Variants in GRIA4 observed in about 807,000 individuals in gnomAD.
GRIA4 encodes the protein glutamate ionotropic receptor AMPA type subunit 4, also known as glutamate receptor 4.
Under a neutral mutation model 104.0 loss-of-function variants are expected in GRIA4, and 34 were observed. The ratio of observed to expected loss-of-function variants is 0.33; its 90% CI spans 0.25 to 0.44. The LOEUF is 0.44. Among genes scored for constraint, GRIA4 ranks in the 20% least tolerant of loss-of-function variants. GRIA4 has a pLI of 1.00. For synonymous variants in GRIA4, 386 were observed against 381.9 expected, an observed-to-expected ratio of 1.01 and a Z score of -0.13; for missense variants, 750 against 1,096.5, an observed-to-expected ratio of 0.68 and a Z score of 4.46.
chr11:105,858,100 T>C (rs932533694), intron 4 of GRIA4, among the ~76,000 whole-genome samples: 29 of 152,302 alleles, frequency 1.9e-4, no homozygotes, highest in Non-Finnish European at 2.5e-4. Context: ...AAAAATATTT[T>C]ATATGTAATT....
At chr11:105,827,272 ATT>A (rs1400840861) in intron 4 of GRIA4, among the ~76,000 whole-genome samples, 1 of 152,064 alleles carries the variant, frequency 6.6e-6, no homozygotes, top group Non-Finnish European at 1.5e-5. Flanking sequence ...TCAAGAAAAT[ATT>A]GTCATAGTAA....
chr11:105,901,811 C>T (rs1946867984), intron 7 of GRIA4, among the ~76,000 whole-genome samples: 1 of 152,178 alleles, frequency 6.6e-6, no homozygotes, highest in Non-Finnish European at 1.5e-5. Context: ...CTCTTCTCAG[C>T]TTCTTTCTTC....
intron 3 of GRIA4, among the ~76,000 whole-genome samples, chr11:105,680,153 C>T (rs1952663546): frequency 6.6e-6 from 1 of 152,058 alleles, no homozygotes; most frequent in African/African-American, 2.4e-5. Context: ...ATTGCTATGT[C>T]ACCTGGTAGT....
chr11:105,642,007 C>T (rs1226777951), intron 3 of GRIA4, among the ~76,000 whole-genome samples: 2 of 152,098 alleles, frequency 1.3e-5, no homozygotes, highest in Non-Finnish European at 2.9e-5. Flanking sequence ...CCATTATCTC[C>T]CTGTGTCTTA....
chr11:105,683,499 T>C (rs1952775303), intron 3 of GRIA4, among the ~76,000 whole-genome samples: 1 of 152,118 alleles, frequency 6.6e-6, no homozygotes, highest in African/African-American at 2.4e-5. Context: ...AAAAACAATG[T>C]ATAACTCATT....
At chr11:105,935,302 A>G (rs2136214993) in intron 14 of GRIA4, among the ~76,000 whole-genome samples, 1 of 152,302 alleles carries the variant, frequency 6.6e-6, no homozygotes, top group East Asian at 1.9e-4. Flanking sequence ...TTGGTTATGG[A>G]CTGTGGCAAT....
intron 4 of GRIA4, among the ~76,000 whole-genome samples, chr11:105,791,176 C>T (rs997728318): frequency 6.6e-6 from 1 of 152,098 alleles, no homozygotes; most frequent in Non-Finnish European, 1.5e-5. Flanking sequence ...ACATGAGAGG[C>T]AGTTTGGTCT....
At chr11:105,854,282 C>A (rs1410871892) in intron 4 of GRIA4, among the ~76,000 whole-genome samples, 1 of 151,990 alleles carries the variant, frequency 6.6e-6, no homozygotes, top group Non-Finnish European at 1.5e-5. Flanking sequence ...ATAAAGTAAC[C>A]CAGAACGGCC....
intron 4 of GRIA4, among the ~76,000 whole-genome samples, chr11:105,756,877 A>G (rs1439981551): frequency 1.3e-5 from 2 of 152,150 alleles, no homozygotes; most frequent in African/African-American, 2.4e-5. Context: ...CCTGTTGTCA[A>G]TTACCAAGTA....
chr11:105,842,041 T>C (rs1490002510), intron 4 of GRIA4, among the ~76,000 whole-genome samples: 2 of 152,122 alleles, frequency 1.3e-5, no homozygotes, highest in Non-Finnish European at 2.9e-5. Context: ...AAGAGCTCAT[T>C]GAGAAGTTAC....
intron 3 of GRIA4, among the ~76,000 whole-genome samples, chr11:105,677,899 C>T (rs1445608): frequency 0.97 from 147,853 of 152,036 alleles, 71,993 homozygotes; most frequent in Non-Finnish European, 1. Context: ...TAGATTATGA[C>T]GAACTTGGAC....
At chr11:105,644,086 C>A (rs531047513) in intron 3 of GRIA4, among the ~76,000 whole-genome samples, 3 of 152,030 alleles carry the variant, frequency 2.0e-5, no homozygotes, top group Non-Finnish European at 2.9e-5. Flanking sequence ...TGAGAAAAAA[C>A]CAGCATAGAA....
chr11:105,661,664 T>A (rs184540163), intron 3 of GRIA4, among the ~76,000 whole-genome samples: 3 of 131,582 alleles, frequency 2.3e-5, no homozygotes, highest in Non-Finnish European at 3.2e-5. Flanking sequence ...TCGACTTTGT[T>A]TTTAAATAGT....
At chr11:105,750,421 G>A (rs181926943) in intron 3 of GRIA4, among the ~76,000 whole-genome samples, 451 of 152,126 alleles carry the variant, frequency 3.0e-3, no homozygotes, top group Middle Eastern at 6.8e-3. Flanking sequence ...TACATCAGAA[G>A]CAAATTTATC....
chr11:105,967,693 G>C (rs1188044672), intron 14 of GRIA4, among the ~76,000 whole-genome samples: 1 of 91,420 alleles, frequency 1.1e-5, no homozygotes, highest in Non-Finnish European at 2.2e-5. Flanking sequence ...CCAGGAATGT[G>C]TTTGTATACC....
chr11:105,640,587 T>A (rs1323218198), intron 3 of GRIA4, among the ~76,000 whole-genome samples: 2 of 151,968 alleles, frequency 1.3e-5, no homozygotes, highest in Admixed American at 6.6e-5. Context: ...ATTTTATGAA[T>A]GTTAGTAATT....
At chr11:105,930,549 T>G (rs1236839243) in intron 13 of GRIA4, among the ~76,000 whole-genome samples, 1 of 151,956 alleles carries the variant, frequency 6.6e-6, no homozygotes, top group Non-Finnish European at 1.5e-5. Context: ...TTCCACATAC[T>G]AATATATAGA....
At chr11:105,887,643 A>C in intron 6 of GRIA4, 71 bp downstream of exon 6, 1 of 755,430 alleles carries the variant, frequency 1.3e-6, no homozygotes, top group Non-Finnish European at 2.4e-6. Flanking sequence ...ACTGTGCCTT[A>C]AATAATGCTT....
chr11:105,770,349 A>G (rs1378746901), intron 4 of GRIA4, among the ~76,000 whole-genome samples: 1 of 152,080 alleles, frequency 6.6e-6, no homozygotes, highest in Non-Finnish European at 1.5e-5. Flanking sequence ...TGTGTTGGTC[A>G]ATATCTTTTT....
Sources: gnomAD v4.1 joint callset for allele counts (sites outside exome capture counted in the v4.1 genomes callset) on GRCh38, gnomAD v4.1.1 for gene constraint, MANE v1.5 for transcripts, NCBI Gene and HGNC (gene_info 2026-07-23, HGNC 2026-07-21) for gene names.